VWA5B1: variants seen among roughly 807,000 people sequenced by gnomAD.
VWA5B1 encodes von Willebrand factor A domain containing 5B1.
VWA5B1 carries 115 observed loss-of-function variants against 118.2 expected under a neutral mutation model. That is an observed-to-expected ratio of 0.97 (90% confidence interval 0.84 to 1.14). The LOEUF is 1.14. VWA5B1 is among the 50% of genes most tolerant of loss of function. The probability of loss-of-function intolerance (pLI) is 0.00; values close to 1 mark genes in which losing one functional copy is unlikely to be tolerated. For synonymous variants in VWA5B1, 682 were observed against 658.4 expected (o/e 1.04, Z -0.55); for missense variants, 1,596 against 1,603.8 (o/e 1.00, Z 0.08).
chr1:20,348,363 ATTTCAGGCCC>A lies in VWA5B1; in HGVS notation c.2878+7_2878+16del, dbSNP rs1327609248. ...AAGATTCGGCACCAGGAAATGGTAAATTTCAGGCCCTAAGTAAGAGCCACCCTGGGCACTT... is the reference window on the plus strand; with the variant it reads ...AAGATTCGGCACCAGGAAATGGTAAATAAGTAAGAGCCACCCTGGGCACTT... On this transcript the variant is annotated splice_donor_region_variant and intron_variant, in intron 18 of 21. Transcript: ENST00000289815. The A allele has an allele frequency of 6.4e-7, 1 of 1,551,456 alleles. No homozygotes were observed. Among genetic ancestry groups the A allele is most frequent in the Admixed American group, 2.0e-5 (1 of 50,986 alleles).
chr1:20,338,189 G>A, intron 14 of VWA5B1: 1 of 434,534 alleles, frequency 2.3e-6, no homozygotes, highest in Admixed American at 2.6e-5. Flanking sequence ...GAGAGGTAGG[G>A]CACTTATCCA....
intron 2 of VWA5B1, among the ~76,000 whole-genome samples, chr1:20,311,848 G>A (rs2088858780): frequency 6.6e-6 from 1 of 152,144 alleles, no homozygotes; most frequent in Admixed American, 6.5e-5. Context: ...AAATCTCCTG[G>A]GCAGGGCAAA....
intron 7 of VWA5B1, among the ~76,000 whole-genome samples, chr1:20,321,045 A>G (rs2089194689): frequency 6.8e-6 from 1 of 146,690 alleles, no homozygotes; most frequent in African/African-American, 2.6e-5. Context: ...TGGTTTAGCA[A>G]GGAGAGGGTA....
intron 8 of VWA5B1, among the ~76,000 whole-genome samples, chr1:20,327,124 G>A (rs747577090): frequency 2.6e-5 from 4 of 151,852 alleles, no homozygotes; most frequent in Non-Finnish European, 5.9e-5. Flanking sequence ...GTCTCCTGCT[G>A]GGGTTACATG....
intron 10 of VWA5B1, 89 bp from the exon 11 acceptor site, chr1:20,330,780 G>A (rs923864506): frequency 3.0e-6 from 4 of 1,327,004 alleles, no homozygotes; most frequent in Admixed American, 2.0e-5. Flanking sequence ...CCAAGATCCT[G>A]CCAGACCATG....
rs191121067 is a variant in VWA5B1, at chr1:20,334,968, G to A, written c.1759-1335G>A. On this transcript the variant is annotated intron_variant, in intron 12 of 21. Transcript: ENST00000289815. ...AAAAATAAATGGCCACAAACTGAAT[G>A]CTTAACAACAAGGGGTGGTAAAATA... Among the ~76,000 whole-genome samples, 37 of 152,070 alleles carry A rather than the reference G, an allele frequency of 2.4e-4. No individual in the cohort carries two copies. In the East Asian group the frequency reaches 4.6e-3, roughly 19 times the overall value.
intron 7 of VWA5B1, among the ~76,000 whole-genome samples, chr1:20,321,732 C>T (rs1039223696): frequency 2.6e-5 from 4 of 151,676 alleles, no homozygotes; most frequent in African/African-American, 9.7e-5. Flanking sequence ...ACCAAGAGCC[C>T]AACGTGGGAG....
intron 14 of VWA5B1, 190 bp downstream of exon 14, chr1:20,338,026 G>A (rs1174935963): frequency 2.0e-5 from 15 of 744,786 alleles, no homozygotes; most frequent in South Asian, 3.0e-5. Flanking sequence ...GACACCCACC[G>A]GTCAATAAGC....
chr1:20,330,527 C>T (rs560029091), intron 10 of VWA5B1, 145 bp downstream of exon 10: 1 of 1,069,446 alleles, frequency 9.4e-7, no homozygotes, highest in South Asian at 1.6e-5. Flanking sequence ...ATAGTGTGGG[C>T]TGATTTCAAA....
chr1:20,300,959 C>CA lies in VWA5B1; in HGVS notation c.-26-9616dup, dbSNP rs545792054. Among the ~76,000 whole-genome samples the CA allele has an allele frequency of 2.4e-4, 36 of 152,248 alleles. 1 individual carries two copies. The highest frequency in any genetic ancestry group is 5.9e-4 in the Admixed American group (9 of 15,286). On this transcript the variant is annotated intron_variant, in intron 1 of 21. Coordinates refer to ENST00000289815, the MANE Select transcript of VWA5B1 (RefSeq NM_001039500.3). ...TGCAGTTGGTGGCAGGACTTGTCCT[C>CA]AGGCCAGGGGGCACTTTGACTCCCA...
intron 1 of VWA5B1, among the ~76,000 whole-genome samples, chr1:20,308,198 G>A (rs1175926923): frequency 2.0e-5 from 3 of 152,074 alleles, no homozygotes; most frequent in Non-Finnish European, 4.4e-5. Context: ...TTGCTGCAAA[G>A]GACATGGTTT....
chr1:20,319,560 G>A (rs1292803817), intron 7 of VWA5B1, 54 bp downstream of exon 7: 7 of 1,546,714 alleles, frequency 4.5e-6, no homozygotes, highest in Non-Finnish European at 5.2e-6. Flanking sequence ...GTGGCGCTGA[G>A]GCCTGGTCTC....
chr1:20,335,880 G>GTT (rs1261723864), intron 12 of VWA5B1, among the ~76,000 whole-genome samples: 9 of 152,140 alleles, frequency 5.9e-5, no homozygotes, highest in Admixed American at 5.9e-4. Context: ...GACACTCAGT[G>GTT]TAACTTTTAT....
intron 1 of VWA5B1, among the ~76,000 whole-genome samples, chr1:20,303,884 G>C (rs1055673145): frequency 1.3e-5 from 2 of 152,230 alleles, no homozygotes; most frequent in Non-Finnish European, 2.9e-5. Flanking sequence ...CACGAACTGG[G>C]AAGCAGCCTG....
In VWA5B1 at chr1:20,352,184, G is replaced by A. The variant is rs1344785852; in HGVS notation, c.3141+12G>A. The stretch of plus-strand genomic sequence containing the variant: ...ACTACATACCTCTGGTGAGTGCCCT[G>A]ACCCCAGGTGTCAGTCTCCCTCCGC... On this transcript the variant is annotated intron_variant, in intron 21 of 21. Coordinates refer to ENST00000289815, the MANE Select transcript of VWA5B1 (RefSeq NM_001039500.3). 4 of 1,544,564 alleles carry A rather than the reference G, an allele frequency of 2.6e-6. No homozygotes were observed. The South Asian group carries it at 3.6e-5, about 14-fold the overall frequency.
At chr1:20,301,377 G>A (rs2223226) in intron 1 of VWA5B1, among the ~76,000 whole-genome samples, 23,923 of 152,138 alleles carry the variant, frequency 0.16, 2,404 homozygotes, top group East Asian at 0.53. Flanking sequence ...CCCTAAGAAA[G>A]AGAAGACATT....
intron 12 of VWA5B1, among the ~76,000 whole-genome samples, chr1:20,335,553 T>TA (rs1392114318): frequency 3.9e-5 from 6 of 152,174 alleles, no homozygotes; most frequent in African/African-American, 1.2e-4. Context: ...TCTAAAAACT[T>TA]AACTACTAAT....
intron 4 of VWA5B1, among the ~76,000 whole-genome samples, chr1:20,316,905 A>C (rs1473208438): frequency 2.6e-5 from 4 of 152,008 alleles, no homozygotes; most frequent in Non-Finnish European, 5.9e-5. Flanking sequence ...GCCAAATCTT[A>C]ATAGTGGGAA....
At chr1:20,297,712 G>T (rs1396761071) in intron 1 of VWA5B1, among the ~76,000 whole-genome samples, 1 of 152,214 alleles carries the variant, frequency 6.6e-6, no homozygotes, top group Non-Finnish European at 1.5e-5. Context: ...CTGAATGCCT[G>T]GTGGCCAGCA....
Sources: allele counts gnomAD v4.1 joint callset (sites outside exome capture counted in the v4.1 genomes callset), GRCh38; gene constraint gnomAD v4.1.1; transcripts MANE v1.5; gene names NCBI Gene and HGNC (gene_info 2026-07-23, HGNC 2026-07-21).